PES1: variants seen among roughly 807,000 people sequenced by gnomAD.
PES1 encodes pescadillo ribosomal biogenesis factor 1, also known as pescadillo homolog.
Under a neutral mutation model 77.1 loss-of-function variants are expected in PES1, and 31 were observed. The observed-to-expected ratio is 0.40, with a 90% CI of 0.30 to 0.54. PES1 has a LOEUF of 0.54. PES1 is among the 20% of genes least tolerant of loss of function. PES1 has a pLI of 0.45. For missense variants in PES1, 658 were observed against 771.7 expected, an observed-to-expected ratio of 0.85 and a Z score of 1.75; for synonymous variants, 282 against 303.0, an observed-to-expected ratio of 0.93 and a Z score of 0.72.
chr22:30,596,826 G>T (rs1042723968), upstream of PES1, among the ~76,000 whole-genome samples: 1 of 152,226 alleles, frequency 6.6e-6, no homozygotes, highest in African/African-American at 2.4e-5. Flanking sequence ...GCTGAGGCCG[G>T]AGCCGGCTCC....
intron 2 of PES1, among the ~76,000 whole-genome samples, chr22:30,602,670 C>T (rs552231064): frequency 5.3e-5 from 8 of 152,130 alleles, no homozygotes; most frequent in Admixed American, 4.6e-4. Flanking sequence ...TGCACCCAGA[C>T]AATTATTTCT....
chr22:30,595,880 T>C (rs2087245912), upstream of PES1, among the ~76,000 whole-genome samples: 8 of 152,240 alleles, frequency 5.3e-5, no homozygotes, highest in South Asian at 1.7e-3. Context: ...AAGAGTACTC[T>C]CAAAGGGTCA....
intron 2 of PES1, chr22:30,598,464 G>T (rs944227176): frequency 6.6e-6 from 1 of 152,126 alleles, no homozygotes; most frequent in Admixed American, 6.6e-5. Context: ...TTTTCACTCT[G>T]TTTAGTAGGT....
intron 4 of PES1, chr22:30,585,157 C>A: frequency 2.3e-6 from 1 of 425,820 alleles, no homozygotes; most frequent in South Asian, 1.7e-5. Flanking sequence ...GGCTGCTTCC[C>A]CTCAGCAGCA....
rs1168164671 is a variant in PES1 at position 30,588,020 on chromosome 22, C to A, written c.258+1G>T. 1.2e-6 allele frequency: 2 copies of A among 1,613,466 alleles called. No individual in the cohort carries two copies. Among genetic ancestry groups the A allele is most frequent in the African/African-American group, 1.3e-5 (1 of 74,906 alleles). On this transcript the variant is annotated splice_donor_variant, in intron 3 of 14. Coordinates refer to ENST00000354694, the MANE Select transcript of PES1 (RefSeq NM_014303.4). LOFTEE classifies it high-confidence loss of function. ...GACAGACCCTAGAGCCCAGACCTCA[C>A]CTTGTATTCACGGAACTTGTTGACA... is the stretch of plus-strand genomic sequence containing the variant.
chr22:30,595,963 G>C (rs1411479959), upstream of PES1, among the ~76,000 whole-genome samples: 1 of 152,118 alleles, frequency 6.6e-6, no homozygotes, highest in African/African-American at 2.4e-5. Context: ...CCACCTTCAG[G>C]AACCCTTTGG....
chr22:30,596,941 GC>G (rs1476517334), intron 2 of PES1, among the ~76,000 whole-genome samples: 5 of 152,188 alleles, frequency 3.3e-5, no homozygotes, highest in Admixed American at 3.3e-4. Flanking sequence ...AGCTTGGCGG[GC>G]CCGCACTCGG....
chr22:30,581,134 G>A (rs1171912169), intron 8 of PES1, 33 bp from the exon 9 acceptor site: 3 of 1,554,398 alleles, frequency 1.9e-6, no homozygotes, highest in Non-Finnish European at 8.8e-7. Context: ...TTGCAGTGGG[G>A]GACCTCATGC....
chr22:30,599,878 C>T (rs540783543), intron 2 of PES1, among the ~76,000 whole-genome samples: 1 of 151,626 alleles, frequency 6.6e-6, no homozygotes, highest in Admixed American at 6.6e-5. Flanking sequence ...CCAGCCTGGG[C>T]AATAAGAGAA....
At chr22:30,601,951 T>C (rs1035967190) in intron 2 of PES1, 1 of 152,090 alleles carries the variant, frequency 6.6e-6, no homozygotes. Context: ...TTTTGTATTT[T>C]TAGTAGAGAC....
chr22:30,581,059 G>A lies in PES1; in HGVS notation c.865C>T (p.Pro289Ser). 6.2e-7 allele frequency: 1 copy of A among 1,611,880 alleles called. No individual in the cohort carries two copies. The highest frequency in any genetic ancestry group is 8.5e-7 in the Non-Finnish European group (1 of 1,179,450). Residue 289 changes from proline to serine, a missense_variant, in exon 9 of 15, where the codon CCT (proline) becomes TCT (serine). Coordinates refer to ENST00000354694, the MANE Select transcript of PES1 (RefSeq NM_014303.4). ...LSASLARVVV[P>S]ATEEEAEVDE... ...ACCTCGGCCTCCTCCTCTGTGGCAG[G>A]CACCACCACGCGGGCCAGGCTGGCA...
intron 6 of PES1, among the ~76,000 whole-genome samples, chr22:30,582,592 C>G (rs1166293065): frequency 6.6e-6 from 1 of 152,148 alleles, no homozygotes; most frequent in Non-Finnish European, 1.5e-5. Flanking sequence ...CCATTTGGCC[C>G]CCAGGACGCG....
At chr22:30,592,925 G>A (rs2087204734), upstream of PES1, among the ~76,000 whole-genome samples, 2 of 151,838 alleles carry the variant, frequency 1.3e-5, no homozygotes, top group Non-Finnish European at 2.9e-5. Flanking sequence ...ACATCACCTT[G>A]AGATGGTGCA....
intron 4 of PES1, among the ~76,000 whole-genome samples, chr22:30,584,935 G>T (rs7364237): frequency 0.022 from 3,373 of 152,288 alleles, 78 homozygotes; most frequent in East Asian, 0.08. Flanking sequence ...GACCAGAGAA[G>T]TCCCGATGGG....
At chr22:30,588,294 C>T (rs149636707) in intron 2 of PES1, 120 bp from the exon 3 acceptor site, 525 of 1,100,654 alleles carry the variant, frequency 4.8e-4, no homozygotes, top group Non-Finnish European at 4.8e-4. Context: ...CCTTAGAGAC[C>T]TCACATCCTA....
At chr22:30,593,988 G>A (rs1278385586), upstream of PES1, among the ~76,000 whole-genome samples, 1 of 152,160 alleles carries the variant, frequency 6.6e-6, no homozygotes, top group Non-Finnish European at 1.5e-5. Flanking sequence ...GTTCCATAAA[G>A]GGAAGAGGTT....
At position 30,584,591 on chromosome 22, in the gene PES1, A is replaced by G; in HGVS notation, c.495T>C (p.Thr165=). The part of the protein sequence containing the change: ...VQTIQLCRRL[T]VEFMHYIIAA... ...CGATAATGTAGTGCATGAACTCCAC[A>G]GTGAGCCGGCGGCACAGCTGAATGG... Residue 165 remains threonine, a synonymous_variant, in exon 5 of 15, where the codon ACT becomes ACC. Transcript: ENST00000354694. The G allele has an allele frequency of 6.2e-7, 1 of 1,613,234 alleles. No individual in the cohort carries two copies. Among genetic ancestry groups the G allele is most frequent in the East Asian group, 2.2e-5 (1 of 44,832 alleles).
chr22:30,578,536 G>A (rs539894145), intron 14 of PES1, among the ~76,000 whole-genome samples: 2 of 152,154 alleles, frequency 1.3e-5, no homozygotes, highest in East Asian at 1.9e-4. Context: ...CGCCACCCCC[G>A]CCCCCAGTCC....
intron 8 of PES1, 81 bp from the exon 9 acceptor site, chr22:30,581,182 G>C (rs933979516): frequency 2.5e-5 from 34 of 1,373,470 alleles, no homozygotes; most frequent in African/African-American, 2.8e-5. Flanking sequence ...AGCAGTGACA[G>C]TCCTGGGCAT....
Sources: allele counts gnomAD v4.1 joint callset (sites outside exome capture counted in the v4.1 genomes callset), GRCh38; gene constraint gnomAD v4.1.1; transcripts MANE v1.5; gene names NCBI Gene and HGNC (gene_info 2026-07-23, HGNC 2026-07-21).